The following USP7 variants were observed in gnomAD, a reference collection of about 807,000 sequenced individuals.
USP7 encodes the protein ubiquitin C-terminal hydrolase 7.
In USP7, 9 loss-of-function variants were observed where a neutral mutation model predicts 162.9. The observed-to-expected ratio is 0.06, with a 90% confidence interval of 0.03 to 0.10. USP7 has a LOEUF of 0.10. USP7 is among the 10% of genes least tolerant of loss of function. The pLI, the probability that USP7 is intolerant of heterozygous loss-of-function variation, is 1.00. For synonymous variants in USP7, 562 were observed against 475.9 expected (o/e 1.18, Z -2.35); for missense variants, 715 against 1,373.7 (o/e 0.52, Z 7.58).
chr16:8,920,803 C>T (rs118109545), intron 4 of USP7, among the ~76,000 whole-genome samples: 6,974 of 152,230 alleles, frequency 0.046, 219 homozygotes, highest in Middle Eastern at 0.14. Context: ...CACTGGTTAC[C>T]ACCTCTGCAA....
chr16:8,946,120 C>A (rs141186736), intron 1 of USP7, among the ~76,000 whole-genome samples: 1 of 152,120 alleles, frequency 6.6e-6, no homozygotes, highest in Non-Finnish European at 1.5e-5. Flanking sequence ...GCCCCTCCCC[C>A]ACAAGACTCT....
At chr16:8,952,929 T>C (rs915634465) in intron 1 of USP7, among the ~76,000 whole-genome samples, 1 of 151,948 alleles carries the variant, frequency 6.6e-6, no homozygotes, top group Admixed American at 6.6e-5. Context: ...CTCCGCTTCC[T>C]GGGTTCAAGC....
At chr16:8,912,720 C>T (rs561740086) in intron 10 of USP7, among the ~76,000 whole-genome samples, 3 of 151,252 alleles carry the variant, frequency 2.0e-5, no homozygotes, top group African/African-American at 2.4e-5. Context: ...ACAGGACCTC[C>T]GAGACTAGCC....
In USP7 at chr16:8,926,153, C is replaced by CA. The variant is rs35060100; in HGVS notation, c.185-2741dup. 2.4e-3 allele frequency among the ~76,000 whole-genome samples: 309 copies of CA among 130,732 alleles called. 1 individual carries two copies. Among genetic ancestry groups the CA allele is most frequent in the African/African-American group, 5.6e-3 (195 of 34,738 alleles). 85.8% of individuals were successfully genotyped at this position (130,732 alleles called of 152,430 possible). A position where few individuals can be genotyped will look rare whatever the true frequency, so the allele number is the denominator to read the frequency against. On this transcript the variant is annotated intron_variant, in intron 2 of 30. Coordinates refer to ENST00000344836, the MANE Select transcript of USP7 (RefSeq NM_003470.3). ...TGGGCGACAGAGCGAGACTCCGTCT[C>CA]AAAAAAAAAAAAAAAGAAAATTTCA...
Position 8,903,745 on chromosome 16 carries a change from T to C in USP7, c.1705-343A>G, listed in dbSNP as rs533166310. 3.8e-4 allele frequency among the ~76,000 whole-genome samples: 58 copies of C among 151,768 alleles called. 1 individual carries two copies. Among genetic ancestry groups the C allele is most frequent in the African/African-American group, 1.4e-3 (56 of 41,368 alleles). On this transcript the variant is annotated intron_variant, in intron 15 of 30. Coordinates refer to ENST00000344836, the MANE Select transcript of USP7 (RefSeq NM_003470.3). ...AGCTGGGTGTGGTGGCACATGCCTGTAATCCCAGCTACTAGGAAGGCTGAG... is the reference window on the plus strand; with the variant it reads ...AGCTGGGTGTGGTGGCACATGCCTGCAATCCCAGCTACTAGGAAGGCTGAG...
intron 6 of USP7, 149 bp downstream of exon 6, chr16:8,918,882 G>T: frequency 1.3e-6 from 1 of 751,828 alleles, no homozygotes. Context: ...CCAGCACTGG[G>T]GAATGAAAAC....
chr16:8,924,450 G>A (rs1897881547), intron 2 of USP7, among the ~76,000 whole-genome samples: 1 of 152,256 alleles, frequency 6.6e-6, no homozygotes, highest in African/African-American at 2.4e-5. Flanking sequence ...CACACCAAGG[G>A]CCAAGCTCTA....
At chr16:8,909,672 A>G (rs1190774286) in intron 11 of USP7, among the ~76,000 whole-genome samples, 1 of 152,214 alleles carries the variant, frequency 6.6e-6, no homozygotes, top group Non-Finnish European at 1.5e-5. Context: ...TCATGCCTGT[A>G]ATCCCAGCAC....
chr16:8,916,640 A>G, intron 7 of USP7, 84 bp from the exon 8 acceptor site: 4 of 1,320,996 alleles, frequency 3.0e-6, no homozygotes, highest in Non-Finnish European at 4.2e-6. Flanking sequence ...GAAAACCTAA[A>G]CTGGATAATC....
intron 1 of USP7, among the ~76,000 whole-genome samples, chr16:8,955,378 G>T (rs1319863694): frequency 6.6e-6 from 1 of 152,030 alleles, no homozygotes; most frequent in Non-Finnish European, 1.5e-5. Context: ...CCAAAGTGCT[G>T]GGATTACAGG....
intron 3 of USP7, among the ~76,000 whole-genome samples, chr16:8,922,468 C>A (rs188724416): frequency 5.3e-5 from 8 of 152,300 alleles, no homozygotes; most frequent in African/African-American, 1.9e-4. Flanking sequence ...AGCCTGGCGA[C>A]AGAGTGAGAC....
chr16:8,934,962 A>G (rs1898605658), intron 1 of USP7, among the ~76,000 whole-genome samples: 1 of 152,236 alleles, frequency 6.6e-6, no homozygotes, highest in African/African-American at 2.4e-5. Flanking sequence ...CCTAGTCCAG[A>G]AGTAAATGAT....
intron 1 of USP7, among the ~76,000 whole-genome samples, chr16:8,945,620 A>G (rs1899242576): frequency 6.6e-6 from 1 of 152,212 alleles, no homozygotes; most frequent in Admixed American, 6.5e-5. Context: ...ACAGCACAGT[A>G]AAGATGTTCT....
intron 30 of USP7, 63 bp from the exon 31 acceptor site, chr16:8,894,167 G>A (rs1057013852): frequency 4.1e-5 from 61 of 1,481,604 alleles, no homozygotes; most frequent in South Asian, 5.7e-5. Context: ...TCAGCGGGGT[G>A]GTGGCCAGTG....
At chr16:8,894,985 G>T (rs752406278) in intron 28 of USP7, 46 bp downstream of exon 28, 1 of 1,613,634 alleles carries the variant, frequency 6.2e-7, no homozygotes, top group East Asian at 2.2e-5. Context: ...CCACTCAAAG[G>T]CTCCAGGTTT....
At chr16:8,916,920 G>C (rs1044868396) in intron 7 of USP7, 106 bp downstream of exon 7, 5 of 1,283,554 alleles carry the variant, frequency 3.9e-6, no homozygotes, top group Non-Finnish European at 4.1e-6. Context: ...CCTAAATTAA[G>C]TGCCTACAGT....
At chr16:8,899,800 G>A in intron 21 of USP7, 43 bp from the exon 22 acceptor site, 2 of 1,608,684 alleles carry the variant, frequency 1.2e-6, no homozygotes, top group Non-Finnish European at 1.7e-6. Flanking sequence ...AAAGTCCATG[G>A]CAGGGGGTAG....
At chr16:8,947,194 C>T (rs1255853045) in intron 1 of USP7, among the ~76,000 whole-genome samples, 2 of 152,278 alleles carry the variant, frequency 1.3e-5, no homozygotes, top group Admixed American at 1.3e-4. Flanking sequence ...TCTATTACAA[C>T]AGACAATAAA....
chr16:8,949,692 A>C (rs1266144313), intron 1 of USP7: 1 of 152,280 alleles, frequency 6.6e-6, no homozygotes, highest in African/African-American at 2.4e-5. Context: ...CTGTGCATTC[A>C]TCACCTTCTG....
Sources: gnomAD v4.1 joint callset for allele counts (sites outside exome capture counted in the v4.1 genomes callset) on GRCh38, gnomAD v4.1.1 for gene constraint, MANE v1.5 for transcripts, NCBI Gene and HGNC (gene_info 2026-07-23, HGNC 2026-07-21) for gene names.